The following GNAO1 variants were observed in gnomAD, a reference collection of about 807,000 sequenced individuals.
GNAO1 encodes guanine nucleotide-binding protein G(o) subunit alpha.
For synonymous variants in GNAO1, 164 were observed against 180.7 expected (o/e 0.91, Z 0.74); for missense variants, 166 against 478.7 (o/e 0.35, Z 6.10).
chr16:56,300,033 G>GCT (rs2037327172), intron 3 of GNAO1, among the ~76,000 whole-genome samples: 1 of 148,770 alleles, frequency 6.7e-6, no homozygotes, highest in African/African-American at 2.5e-5. Flanking sequence ...GTGTGTGTGT[G>GCT]TGTGCGCGCG....
rs1040731810 is a variant in GNAO1 at position 56,349,132 on chromosome 16, C to T, written c.724-2252C>T. Among the ~76,000 whole-genome samples, 5 of 152,320 alleles carry T rather than the reference C, an allele frequency of 3.3e-5. No homozygotes were observed. The South Asian group carries it at 1.0e-3, about 32-fold the overall frequency. On this transcript the variant is annotated intron_variant, in intron 6 of 8. Transcript: ENST00000262493. The stretch of plus-strand genomic sequence containing the variant: ...GCTGTGGCGGGGGCTCAGCCTTAAC[C>T]AGTGGAACTGTGGAGCCTAAATGAG...
chr16:56,201,874 G>A (rs189873199), intron 2 of GNAO1, among the ~76,000 whole-genome samples: 1 of 152,260 alleles, frequency 6.6e-6, no homozygotes, highest in East Asian at 1.9e-4. Context: ...CGATTCTTGT[G>A]GATCATCTGA....
chr16:56,294,990 T>A lies in GNAO1; in HGVS notation c.303+18918T>A, dbSNP rs558541777. On this transcript the variant is annotated intron_variant, in intron 3 of 8. Transcript: ENST00000262493. The stretch of plus-strand genomic sequence containing the variant: ...TCTTCTTATTAATGAGTTTTAAGAT[T>A]TTTTTAATATCCCTGATACAAGTTC... Among the ~76,000 whole-genome samples the A allele has an allele frequency of 2.0e-4, 31 of 152,356 alleles. No individual in the cohort carries two copies. In the South Asian group the frequency reaches 6.0e-3, roughly 29 times the overall value.
intron 2 of GNAO1, among the ~76,000 whole-genome samples, chr16:56,240,463 T>G (rs1000162231): frequency 3.3e-5 from 5 of 152,174 alleles, no homozygotes; most frequent in Non-Finnish European, 5.9e-5. Context: ...TTCCTAGAAC[T>G]GCTTGGTTTT....
At chr16:56,249,809 G>A in intron 2 of GNAO1, among the ~76,000 whole-genome samples, 1 of 152,146 alleles carries the variant, frequency 6.6e-6, no homozygotes, top group Non-Finnish European at 1.5e-5. Flanking sequence ...GAAATGACAG[G>A]GTCGAGCCTC....
chr16:56,344,331 A>T, intron 6 of GNAO1: 1 of 1,082,304 alleles, frequency 9.2e-7, no homozygotes, highest in Non-Finnish European at 1.1e-6. Context: ...AGGGGCGCAG[A>T]TGGCCCTGCA....
At chr16:56,239,333 T>C (rs1387351420) in intron 2 of GNAO1, among the ~76,000 whole-genome samples, 2 of 152,192 alleles carry the variant, frequency 1.3e-5, no homozygotes, top group African/African-American at 4.8e-5. Flanking sequence ...AAATAGGTGG[T>C]CTCAAAAGAG....
intron 3 of GNAO1, among the ~76,000 whole-genome samples, chr16:56,324,560 C>T (rs1236971114): frequency 1.3e-5 from 2 of 152,232 alleles, no homozygotes; most frequent in East Asian, 3.8e-4. Context: ...ACTCATAGGC[C>T]TTGCACTGTT....
intron 2 of GNAO1, among the ~76,000 whole-genome samples, chr16:56,209,430 G>A (rs575551142): frequency 1.3e-5 from 2 of 152,246 alleles, no homozygotes; most frequent in Non-Finnish European, 2.9e-5. Context: ...GAGTGTCTTG[G>A]CTGTTCTCAG....
chr16:56,209,549 C>T (rs573107941), intron 2 of GNAO1, among the ~76,000 whole-genome samples: 8 of 152,294 alleles, frequency 5.3e-5, no homozygotes, highest in Non-Finnish European at 1.0e-4. Context: ...TTCGAATCCA[C>T]TACTCTGAGT....
At chr16:56,198,419 T>C (rs1160211871) in intron 2 of GNAO1, among the ~76,000 whole-genome samples, 1 of 152,208 alleles carries the variant, frequency 6.6e-6, no homozygotes, top group Non-Finnish European at 1.5e-5. Flanking sequence ...TGTTAACTGG[T>C]TCAGATAAAT....
intron 2 of GNAO1, among the ~76,000 whole-genome samples, chr16:56,244,171 G>A (rs1212571712): frequency 6.6e-6 from 1 of 152,104 alleles, no homozygotes; most frequent in African/African-American, 2.4e-5. Flanking sequence ...TTGAGTGTAG[G>A]CACGTAAATG....
chr16:56,316,838 A>G (rs1023305462), intron 3 of GNAO1, among the ~76,000 whole-genome samples: 10 of 152,158 alleles, frequency 6.6e-5, no homozygotes, highest in Non-Finnish European at 1.3e-4. Context: ...GGGAAGGAAG[A>G]TTCTTAGGTC....
chr16:56,287,561 CCCT>C (rs1231340823), intron 3 of GNAO1, among the ~76,000 whole-genome samples: 8 of 152,332 alleles, frequency 5.3e-5, no homozygotes, highest in African/African-American at 1.4e-4. Flanking sequence ...ACTGCCATCT[CCCT>C]CCTCTTGCCC....
chr16:56,202,664 A>C (rs1339106551), intron 2 of GNAO1, among the ~76,000 whole-genome samples: 1 of 152,182 alleles, frequency 6.6e-6, no homozygotes, highest in Non-Finnish European at 1.5e-5. Context: ...GTCTGTAGAG[A>C]AATTCTAGGG....
rs1434082421 is a variant in GNAO1 at position 56,326,608 on chromosome 16, A to G, written c.304-2023A>G. On this transcript the variant is annotated intron_variant, in intron 3 of 8. Transcript: ENST00000262493. This position sits in a 1 kb window ranked among gnomAD's most constrained non-coding sequence, Gnocchi z 4.8. ...ACGTTGGCTGCTGGGGCTCCATCCC[A>G]TGGGGATCCTGTCTGAATGTGTAGC... Among the ~76,000 whole-genome samples the G allele has an allele frequency of 6.6e-6, 1 of 152,220 alleles. No homozygotes were observed. The highest frequency in any genetic ancestry group is 1.5e-5 in the Non-Finnish European group (1 of 68,038).
At chr16:56,244,428 G>C (rs902521012) in intron 2 of GNAO1, among the ~76,000 whole-genome samples, 2 of 151,518 alleles carry the variant, frequency 1.3e-5, no homozygotes, top group Admixed American at 6.6e-5. Context: ...GAGCATCTTT[G>C]CTCTTGGCTG....
chr16:56,288,785 A>G (rs778826240), intron 3 of GNAO1, among the ~76,000 whole-genome samples: 9 of 152,004 alleles, frequency 5.9e-5, no homozygotes, highest in Non-Finnish European at 1.0e-4. Flanking sequence ...CCAGGCCTTC[A>G]CTTAGAACAC....
At chr16:56,341,506 C>T (rs2037803188) in intron 6 of GNAO1, among the ~76,000 whole-genome samples, 1 of 152,214 alleles carries the variant, frequency 6.6e-6, no homozygotes, top group Non-Finnish European at 1.5e-5. Context: ...CGCAGAGCTT[C>T]GCGTGGTGCC....
Sources: gnomAD v4.1 joint callset for allele counts (sites outside exome capture counted in the v4.1 genomes callset) on GRCh38, gnomAD v4.1.1 for gene constraint, Gnocchi (gnomAD v3.1) non-coding constraint, MANE v1.5 for transcripts, NCBI Gene and HGNC (gene_info 2026-07-23, HGNC 2026-07-21) for gene names.